The following CA10 variants were observed in gnomAD, a reference collection of about 807,000 sequenced individuals.
CA10 encodes the protein carbonic anhydrase 10 (inactive).
In CA10, 14 loss-of-function variants were observed where a neutral mutation model predicts 44.2. The observed-to-expected ratio is 0.32, with a 90% confidence interval of 0.21 to 0.50. The LOEUF is 0.50. CA10 is among the 20% of genes least tolerant of loss of function. The pLI, the probability that CA10 is intolerant of heterozygous loss-of-function variation, is 0.99. For missense variants in CA10, 350 were observed against 409.7 expected, an observed-to-expected ratio of 0.85 and a Z score of 1.26; for synonymous variants, 159 against 141.6, an observed-to-expected ratio of 1.12 and a Z score of -0.87.
intron 3 of CA10, among the ~76,000 whole-genome samples, chr17:51,829,115 A>G (rs537959761): frequency 1.3e-5 from 2 of 152,204 alleles, no homozygotes; most frequent in East Asian, 1.9e-4. Flanking sequence ...ATAAAACAAA[A>G]AAACAAAGGA....
intron 4 of CA10, among the ~76,000 whole-genome samples, chr17:51,656,801 A>C (rs1423136339): frequency 6.6e-6 from 1 of 152,168 alleles, no homozygotes; most frequent in Non-Finnish European, 1.5e-5. Flanking sequence ...ATGCACGCTA[A>C]AGTTTCAGAA....
chr17:52,069,092 A>T (rs907318199), intron 2 of CA10, among the ~76,000 whole-genome samples: 3 of 152,132 alleles, frequency 2.0e-5, no homozygotes, highest in Non-Finnish European at 4.4e-5. Context: ...CCTTCAACTC[A>T]TTGGATAAGG....
At chr17:51,751,845 C>G (rs1904902063) in intron 3 of CA10, among the ~76,000 whole-genome samples, 1 of 152,184 alleles carries the variant, frequency 6.6e-6, no homozygotes, top group African/African-American at 2.4e-5. Context: ...ACCCCTTCTG[C>G]ATACATGGCT....
At position 51,631,319 on chromosome 17, in the gene CA10, T is replaced by G; in HGVS notation, c.*265A>C. The G allele has an allele frequency of 2.2e-6, 1 of 450,450 alleles. No homozygotes were observed. The highest frequency in any genetic ancestry group is 4.0e-6 in the Non-Finnish European group (1 of 251,664). The allele number at this position is 450,450 out of a possible 1,614,324, so 27.9% of individuals were successfully genotyped here. ...AAACTTGACTTCCCATGATGGAGGT[T>G]GTAAGAGTGTGTGTGTGTGTAGGTA... On this transcript the variant is annotated 3_prime_UTR_variant, in exon 9 of 9. Coordinates refer to ENST00000451037, the MANE Select transcript of CA10 (RefSeq NM_020178.5).
At chr17:51,971,280 T>C (rs761258762) in intron 2 of CA10, among the ~76,000 whole-genome samples, 2 of 152,136 alleles carry the variant, frequency 1.3e-5, no homozygotes, top group African/African-American at 2.4e-5. Flanking sequence ...GGCAACATTA[T>C]GCTTACTATC....
chr17:51,730,893 C>A (rs1916688535), intron 4 of CA10, among the ~76,000 whole-genome samples: 2 of 106,230 alleles, frequency 1.9e-5, no homozygotes, highest in Admixed American at 1.1e-4. Context: ...AAAGATAAGT[C>A]AACACAGGGA....
chr17:51,631,582 C>G lies in CA10; in HGVS notation c.*2G>C. On this transcript the variant is annotated 3_prime_UTR_variant, in exon 9 of 9. Transcript: ENST00000451037. ...AGGTGGGATTCTTCTTGGCTTTGTTCCCTACTTGAGGAGCCATTCATTTAC... is the reference window on the plus strand; with the variant it reads ...AGGTGGGATTCTTCTTGGCTTTGTTGCCTACTTGAGGAGCCATTCATTTAC... 6.2e-7 allele frequency: 1 copy of G among 1,612,756 alleles called. No individual in the cohort carries two copies. The highest frequency in any genetic ancestry group is 1.1e-5 in the South Asian group (1 of 91,014).
chr17:51,809,342 A>G (rs1247559625), intron 3 of CA10, among the ~76,000 whole-genome samples: 2 of 152,222 alleles, frequency 1.3e-5, no homozygotes. Context: ...GATAAGTAAC[A>G]TACCAACATT....
intron 1 of CA10, among the ~76,000 whole-genome samples, chr17:52,146,582 C>T (rs961408808): frequency 6.6e-6 from 1 of 151,664 alleles, no homozygotes; most frequent in Non-Finnish European, 1.5e-5. Flanking sequence ...CCCAGCTACT[C>T]GGGAGGCTGA....
chr17:51,851,552 AT>A (rs778011105), intron 3 of CA10, among the ~76,000 whole-genome samples: 11 of 152,036 alleles, frequency 7.2e-5, no homozygotes, highest in Non-Finnish European at 1.5e-4. Flanking sequence ...GAAATATTTT[AT>A]TGTTATTTTA....
intron 2 of CA10, among the ~76,000 whole-genome samples, chr17:51,977,453 T>G (rs1323802573): frequency 1.3e-5 from 2 of 152,006 alleles, no homozygotes; most frequent in African/African-American, 4.8e-5. Flanking sequence ...ATATAATCAT[T>G]TAGATTGGCT....
chr17:52,081,991 T>G (rs182320353), intron 1 of CA10, among the ~76,000 whole-genome samples: 25 of 151,682 alleles, frequency 1.6e-4, no homozygotes, highest in African/African-American at 6.1e-4. Context: ...AGTCTCCTCA[T>G]GGCTGCAACA....
chr17:51,833,753 C>T (rs556831517), intron 3 of CA10, among the ~76,000 whole-genome samples: 13 of 152,232 alleles, frequency 8.5e-5, no homozygotes, highest in African/African-American at 3.1e-4. Flanking sequence ...TAGAAAGCAA[C>T]CATCTTCCAA....
intron 3 of CA10, among the ~76,000 whole-genome samples, chr17:51,827,036 A>C (rs1908034583): frequency 6.6e-6 from 1 of 152,038 alleles, no homozygotes; most frequent in Admixed American, 6.5e-5. Context: ...TCATCTCCTC[A>C]AGGTTTTACT....
intron 4 of CA10, among the ~76,000 whole-genome samples, chr17:51,705,349 A>G (rs1915730616): frequency 6.6e-6 from 1 of 152,164 alleles, no homozygotes; most frequent in Non-Finnish European, 1.5e-5. Flanking sequence ...TTCCTTTTAG[A>G]GCACAAACCC....
At chr17:52,144,105 G>C (rs973580775) in intron 1 of CA10, among the ~76,000 whole-genome samples, 9 of 151,992 alleles carry the variant, frequency 5.9e-5, no homozygotes, top group African/African-American at 2.2e-4. Context: ...TTCATGTTGA[G>C]AATAGGTTGA....
intron 4 of CA10, among the ~76,000 whole-genome samples, chr17:51,708,109 T>C (rs972767846): frequency 2.0e-5 from 3 of 152,168 alleles, no homozygotes; most frequent in African/African-American, 7.2e-5. Flanking sequence ...GCTCCAGCAG[T>C]CCTTCCAATC....
chr17:51,990,516 A>G (rs1985002811), intron 2 of CA10, among the ~76,000 whole-genome samples: 1 of 152,130 alleles, frequency 6.6e-6, no homozygotes, highest in Non-Finnish European at 1.5e-5. Context: ...CCCATAAAGG[A>G]AGTAGGAGAG....
chr17:51,942,538 T>TTTTATA (rs1035469093), intron 2 of CA10, among the ~76,000 whole-genome samples: 1 of 135,142 alleles, frequency 7.4e-6, no homozygotes, highest in Admixed American at 8.1e-5. Context: ...CTTGCAGGCA[T>TTTTATA]TATATATATA....
Sources: allele counts gnomAD v4.1 joint callset (sites outside exome capture counted in the v4.1 genomes callset), GRCh38; gene constraint gnomAD v4.1.1; transcripts MANE v1.5; gene names NCBI Gene and HGNC (gene_info 2026-07-23, HGNC 2026-07-21).